The following CSMD2 variants were observed in gnomAD, a reference collection of about 807,000 sequenced individuals.
The protein encoded by CSMD2 is CUB and sushi domain-containing protein 2.
Under a neutral mutation model 398.5 loss-of-function variants are expected in CSMD2, and 130 were observed. That is an observed-to-expected ratio of 0.33 (90% CI 0.28 to 0.38). The LOEUF (loss-of-function observed/expected upper bound fraction) is 0.38, where lower values mean the gene tolerates loss of function less well. CSMD2 is among the 10% of genes least tolerant of loss of function. CSMD2 has a pLI of 1.00. For missense variants in CSMD2, 3,829 were observed against 4,764.9 expected (o/e 0.80, Z 5.78); for synonymous variants, 1,828 against 1,908.5 (o/e 0.96, Z 1.10).
chr1:34,121,030 C>A (rs1269946696), intron 1 of CSMD2, among the ~76,000 whole-genome samples: 1 of 152,164 alleles, frequency 6.6e-6, no homozygotes, highest in Non-Finnish European at 1.5e-5. Context: ...ACCAGACATG[C>A]AGACTCCCAG....
At chr1:33,914,740 T>A (rs1436713555) in intron 5 of CSMD2, among the ~76,000 whole-genome samples, 1 of 152,178 alleles carries the variant, frequency 6.6e-6, no homozygotes, top group Non-Finnish European at 1.5e-5. Context: ...TGTTGGCCAC[T>A]CCAGTGATGG....
chr1:33,701,939 GTTTC>G lies in CSMD2; in HGVS notation c.3577-1270_3577-1267del, dbSNP rs1402873559. Reference sequence around the variant, plus strand: ...TAAGAAAGACAATCAGACACCATGTGTTTCTTTAATAAAAGATATACCATCACCC... The same window carrying G: ...TAAGAAAGACAATCAGACACCATGTGTTTAATAAAAGATATACCATCACCC... On this transcript the variant is annotated intron_variant, in intron 22 of 70. Coordinates refer to ENST00000373381, the MANE Select transcript of CSMD2 (RefSeq NM_001281956.2). Among the ~76,000 whole-genome samples, 8 of 152,314 alleles carry G rather than the reference GTTTC, an allele frequency of 5.3e-5. No individual in the cohort carries two copies. The East Asian group carries it at 1.5e-3, about 29-fold the overall frequency.
intron 24 of CSMD2, among the ~76,000 whole-genome samples, chr1:33,695,390 T>G (rs1645387736): frequency 1.3e-5 from 2 of 152,118 alleles, no homozygotes; most frequent in South Asian, 2.1e-4. Flanking sequence ...GGAGTCACTG[T>G]GGTGGCAGTA....
At chr1:33,714,461 G>A in intron 21 of CSMD2, 126 bp downstream of exon 21, 3 of 1,118,208 alleles carry the variant, frequency 2.7e-6, no homozygotes, top group South Asian at 1.5e-5. Context: ...TCCCACTGCA[G>A]GTAAGTGTGG....
At chr1:33,652,793 G>A (rs542211965) in intron 27 of CSMD2, among the ~76,000 whole-genome samples, 1 of 152,270 alleles carries the variant, frequency 6.6e-6, no homozygotes, top group Admixed American at 6.5e-5. Flanking sequence ...CTGTCCCCCA[G>A]CCCCAGGCTG....
intron 56 of CSMD2, among the ~76,000 whole-genome samples, chr1:33,549,414 A>T (rs1415132768): frequency 1.3e-5 from 2 of 152,232 alleles, no homozygotes; most frequent in Non-Finnish European, 2.9e-5. Context: ...ACAAAGCTGC[A>T]AGGCACTAAT....
chr1:34,080,965 A>AGAAAGAAG lies in CSMD2; in HGVS notation c.404+8011_404+8012insCTTCTTTC, dbSNP rs1657021317. 2.9e-5 allele frequency among the ~76,000 whole-genome samples: 4 copies of AGAAAGAAG among 136,166 alleles called. No individual in the cohort carries two copies. The South Asian group carries it at 8.7e-4, about 30-fold the overall frequency. 89.3% of individuals were successfully genotyped at this position (136,166 alleles called of 152,430 possible). ...AAGAAAGAAAGAAAGAAAGAAAGAA[A>AGAAAGAAG]GAAAGAAAGAAATGCACAGGAGCAG... is the stretch of plus-strand genomic sequence containing the variant. On this transcript the variant is annotated intron_variant, in intron 2 of 70. Coordinates refer to ENST00000373381, the MANE Select transcript of CSMD2 (RefSeq NM_001281956.2).
intron 3 of CSMD2, among the ~76,000 whole-genome samples, chr1:33,955,092 C>G (rs935544816): frequency 6.6e-6 from 1 of 152,184 alleles, no homozygotes; most frequent in African/African-American, 2.4e-5. Flanking sequence ...AGAGGACGAT[C>G]CCGAGTAGAA....
intron 5 of CSMD2, among the ~76,000 whole-genome samples, chr1:33,851,711 C>T (rs552905812): frequency 6.6e-6 from 1 of 152,304 alleles, no homozygotes; most frequent in Admixed American, 6.5e-5. Flanking sequence ...AGCCTTGACA[C>T]CCATTCTTAT....
At chr1:33,942,066 G>GT (rs1179160390) in intron 3 of CSMD2, among the ~76,000 whole-genome samples, 2 of 152,072 alleles carry the variant, frequency 1.3e-5, no homozygotes, top group African/African-American at 4.8e-5. Flanking sequence ...CTTCATAAAA[G>GT]CTTACTGAGA....
chr1:34,165,351 T>A (rs992970890), upstream of CSMD2: 4 of 1,194,076 alleles, frequency 3.3e-6, no homozygotes, highest in Admixed American at 1.7e-4. Flanking sequence ...CCCGGATTAA[T>A]CACTCCGGAG....
At chr1:33,804,940 T>G (rs1284318943) in intron 10 of CSMD2, 1 of 715,618 alleles carries the variant, frequency 1.4e-6, no homozygotes, top group Non-Finnish European at 2.6e-6. Flanking sequence ...CTGGGCTCCC[T>G]CAGCACTACC....
chr1:34,092,447 G>C (rs943026289), intron 1 of CSMD2, among the ~76,000 whole-genome samples: 3 of 152,310 alleles, frequency 2.0e-5, no homozygotes, highest in East Asian at 1.9e-4. Context: ...ACAGCTCCCA[G>C]CGTGAGCGAG....
Position 33,561,932 on chromosome 1 carries a change from C to T in CSMD2, c.8381-2459G>A, listed in dbSNP as rs528055205. 3.9e-5 allele frequency among the ~76,000 whole-genome samples: 6 copies of T among 151,998 alleles called. No homozygotes were observed. The East Asian group carries it at 5.8e-4, about 15-fold the overall frequency. Reference sequence around the variant, plus strand: ...GGTCGTGATGCCCCTTCCCTGAAGGCGGAAATCACTCATATAAAGAGAGAG... The same window carrying T: ...GGTCGTGATGCCCCTTCCCTGAAGGTGGAAATCACTCATATAAAGAGAGAG... On this transcript the variant is annotated intron_variant, in intron 53 of 70. Coordinates refer to ENST00000373381, the MANE Select transcript of CSMD2 (RefSeq NM_001281956.2).
At position 33,762,870 on chromosome 1, in the gene CSMD2, A is replaced by G. The variant is rs543338071; in HGVS notation, c.1846+9699T>C. The stretch of plus-strand genomic sequence containing the variant: ...CGGTGCTGAGTGTAATGGCCAGTAC[A>G]TAGTACCCACTCCCTTCCACATTTT... On this transcript the variant is annotated intron_variant, in intron 13 of 70. Transcript: ENST00000373381. 2.6e-5 allele frequency among the ~76,000 whole-genome samples: 4 copies of G among 152,318 alleles called. No individual in the cohort carries two copies. The East Asian group carries it at 7.7e-4, about 29-fold the overall frequency.
At chr1:34,039,763 G>A (rs1240094842) in intron 2 of CSMD2, among the ~76,000 whole-genome samples, 2 of 152,202 alleles carry the variant, frequency 1.3e-5, no homozygotes, top group Non-Finnish European at 2.9e-5. Context: ...AATAATTTCA[G>A]AGGGCACCAG....
chr1:34,089,227 CAGAATAACTCCT>C (rs1658270867), intron 1 of CSMD2, 34 bp from the exon 2 acceptor site: 15 of 1,577,506 alleles, frequency 9.5e-6, no homozygotes, highest in Non-Finnish European at 1.2e-5. Flanking sequence ...TCAGAATAGC[CAGAATAACTCCT>C]AGAAGCTTCT....
intron 3 of CSMD2, among the ~76,000 whole-genome samples, chr1:33,959,562 G>A (rs569581681): frequency 7.2e-5 from 11 of 152,190 alleles, no homozygotes; most frequent in African/African-American, 2.2e-4. Flanking sequence ...CCCGTGTCCC[G>A]GAAAATCCTC....
chr1:33,630,818 G>A (rs1160297679), intron 32 of CSMD2, among the ~76,000 whole-genome samples: 1 of 152,054 alleles, frequency 6.6e-6, no homozygotes, highest in Non-Finnish European at 1.5e-5. Flanking sequence ...CAACACTTGG[G>A]CAAAAAGAGT....
Sources: allele counts gnomAD v4.1 joint callset (sites outside exome capture counted in the v4.1 genomes callset), GRCh38; gene constraint gnomAD v4.1.1; transcripts MANE v1.5; gene names NCBI Gene and HGNC (gene_info 2026-07-23, HGNC 2026-07-21).